Variants in GANC observed in about 807,000 individuals in gnomAD.
GANC encodes glucosidase alpha, neutral C.
In GANC, 117 loss-of-function variants were observed where a neutral mutation model predicts 124.2. The observed-to-expected ratio is 0.94, with a 90% CI of 0.81 to 1.10. GANC has a LOEUF of 1.10. GANC is among the 50% of genes least tolerant of loss of function. The pLI, the probability that GANC is intolerant of heterozygous loss-of-function variation, is 0.00. For synonymous variants in GANC, 377 were observed against 376.8 expected (o/e 1.00, Z -0.01); for missense variants, 1,140 against 1,095.0 (o/e 1.04, Z -0.58).
At chr15:42,346,341 T>A (rs916696685) in intron 20 of GANC, among the ~76,000 whole-genome samples, 7 of 152,156 alleles carry the variant, frequency 4.6e-5, no homozygotes, top group African/African-American at 1.7e-4. Flanking sequence ...GGGTGCCTAG[T>A]GCTGGGGCAG....
intron 11 of GANC, among the ~76,000 whole-genome samples, chr15:42,326,032 G>A (rs1172197188): frequency 6.6e-6 from 1 of 152,208 alleles, no homozygotes; most frequent in Non-Finnish European, 1.5e-5. Flanking sequence ...TGTTGGGATT[G>A]CAGGTGTGAG....
intron 20 of GANC, 50 bp downstream of exon 20, chr15:42,345,882 G>T: frequency 6.9e-6 from 9 of 1,300,850 alleles, no homozygotes; most frequent in South Asian, 1.2e-5. Context: ...CTATTGGTCG[G>T]CTAGGGCTGC....
intron 12 of GANC, 135 bp from the exon 13 acceptor site, chr15:42,327,228 T>C (rs1206413787): frequency 1.6e-6 from 1 of 633,818 alleles, no homozygotes; most frequent in Non-Finnish European, 2.8e-6. Flanking sequence ...CAACAGACCA[T>C]GCCTCTGTCA....
chr15:42,290,207 C>T (rs554870984), intron 4 of GANC, among the ~76,000 whole-genome samples: 1 of 152,254 alleles, frequency 6.6e-6, no homozygotes, highest in East Asian at 1.9e-4. Flanking sequence ...TGAAAGCAGA[C>T]CAAGAGGTAG....
At chr15:42,351,973 A>C in intron 23 of GANC, 57 bp from the exon 24 acceptor site, 1 of 1,601,370 alleles carries the variant, frequency 6.2e-7, no homozygotes. Context: ...TGGAGAAAAG[A>C]CTTTTCCCTT....
At chr15:42,279,159 T>G (rs541676327) in intron 3 of GANC, among the ~76,000 whole-genome samples, 1 of 152,322 alleles carries the variant, frequency 6.6e-6, no homozygotes, top group South Asian at 2.1e-4. Flanking sequence ...TCGTAACACA[T>G]CTAAGAGGTA....
At chr15:42,303,825 C>T (rs1273799938) in intron 6 of GANC, among the ~76,000 whole-genome samples, 1 of 152,052 alleles carries the variant, frequency 6.6e-6, no homozygotes, top group Non-Finnish European at 1.5e-5. Context: ...TATATATGCA[C>T]CCAATACAGG....
chr15:42,281,220 C>T, intron 3 of GANC: 1 of 650,752 alleles, frequency 1.5e-6, no homozygotes, highest in Non-Finnish European at 2.8e-6. Context: ...GGAGATCACC[C>T]TGAAATTCTG....
At chr15:42,282,524 T>C (rs1159950146) in intron 3 of GANC, among the ~76,000 whole-genome samples, 3 of 152,198 alleles carry the variant, frequency 2.0e-5, no homozygotes, top group African/African-American at 7.2e-5. Flanking sequence ...GAGGATCATA[T>C]TCAGCTCACA....
In GANC at chr15:42,339,588, C is replaced by T. The variant is rs1028596155; in HGVS notation, c.1844-81C>T. The T allele has an allele frequency of 7.2e-6, 11 of 1,520,250 alleles. No homozygotes were observed. The East Asian group carries it at 1.1e-4, about 16-fold the overall frequency. 94.2% of individuals were successfully genotyped at this position (1,520,250 alleles called of 1,614,324 possible). Reference sequence around the variant, plus strand: ...TGCATATACTGCACTTTTCTCCTGTCGGTCTTCAAGACCTTAATTTCCCTG... The same window carrying T: ...TGCATATACTGCACTTTTCTCCTGTTGGTCTTCAAGACCTTAATTTCCCTG... On this transcript the variant is annotated intron_variant, in intron 16 of 23. Coordinates refer to ENST00000318010, the MANE Select transcript of GANC (RefSeq NM_198141.3).
intron 7 of GANC, among the ~76,000 whole-genome samples, chr15:42,307,432 T>C (rs8030212): frequency 0.96 from 145,258 of 151,096 alleles, 70,031 homozygotes; most frequent in Non-Finnish European, 1. Flanking sequence ...CTCCTGGCCT[T>C]GAGTGATGCA....
At position 42,295,639 on chromosome 15, in the gene GANC, G is replaced by GACACACACAC. The variant is rs60220273; in HGVS notation, c.513-1932_513-1923dup. On this transcript the variant is annotated intron_variant, in intron 5 of 23. Transcript: ENST00000318010. ...CAAGAAGAAAAAAAGCTTTATTATA[G>GACACACACAC]ACACACACACACACACACACACACA... 3.3e-4 allele frequency among the ~76,000 whole-genome samples: 45 copies of GACACACACAC among 137,720 alleles called. 2 individuals are homozygous for GACACACACAC. The highest frequency in any genetic ancestry group is 1.3e-3 in the East Asian group (6 of 4,698). The allele number at this position is 137,720 out of a possible 152,430, so 90.3% of individuals were successfully genotyped here. A position where few individuals can be genotyped will look rare whatever the true frequency, so the allele number is the denominator to read the frequency against.
chr15:42,336,567 G>T (rs1027368728), intron 15 of GANC, among the ~76,000 whole-genome samples: 2 of 152,126 alleles, frequency 1.3e-5, no homozygotes, highest in African/African-American at 4.8e-5. Flanking sequence ...TCTGGACATG[G>T]GAATAGGCAA....
intron 3 of GANC, chr15:42,284,241 G>A: frequency 1.8e-6 from 1 of 545,158 alleles, no homozygotes; most frequent in South Asian, 2.5e-5. Context: ...ATTCTATTAT[G>A]GTCTTTACTA....
chr15:42,283,087 T>G (rs560568001), intron 3 of GANC, among the ~76,000 whole-genome samples: 3 of 152,322 alleles, frequency 2.0e-5, no homozygotes, highest in East Asian at 3.9e-4. Flanking sequence ...TAGGAAACTT[T>G]GGGAAGACAC....
At chr15:42,279,592 AG>A (rs1272333666) in intron 3 of GANC, among the ~76,000 whole-genome samples, 1 of 152,328 alleles carries the variant, frequency 6.6e-6, no homozygotes, top group African/African-American at 2.4e-5. Context: ...GGGCTGTGCT[AG>A]GAAGTGTGAC....
chr15:42,338,345 T>C (rs769992506), intron 15 of GANC, 44 bp from the exon 16 acceptor site: 8 of 1,355,928 alleles, frequency 5.9e-6, no homozygotes, highest in Admixed American at 1.8e-5. Flanking sequence ...ATTGAACGCA[T>C]GGGTTGATTT....
intron 12 of GANC, among the ~76,000 whole-genome samples, chr15:42,326,851 G>T (rs1177603079): frequency 6.6e-6 from 1 of 152,140 alleles, no homozygotes; most frequent in Non-Finnish European, 1.5e-5. Flanking sequence ...GATGACTATG[G>T]ATTCTTCATT....
chr15:42,321,424 T>C (rs1176301129), intron 10 of GANC, among the ~76,000 whole-genome samples: 1 of 152,214 alleles, frequency 6.6e-6, no homozygotes, highest in East Asian at 1.9e-4. Context: ...CTATCTATTC[T>C]TCCTGTCTGG....
Sources: gnomAD v4.1 joint callset for allele counts (sites outside exome capture counted in the v4.1 genomes callset) on GRCh38, gnomAD v4.1.1 for gene constraint, MANE v1.5 for transcripts, NCBI Gene and HGNC (gene_info 2026-07-23, HGNC 2026-07-21) for gene names.